The following TMEM178B variants were observed in gnomAD, a reference collection of about 807,000 sequenced individuals.
TMEM178B encodes the protein transmembrane protein 178B.
A neutral mutation model predicts 31.0 loss-of-function variants in TMEM178B; 5 were observed. That is an observed-to-expected ratio of 0.16 (90% confidence interval 0.08 to 0.34). TMEM178B has a LOEUF of 0.34. Ranked by LOEUF, TMEM178B falls within the 10% of genes least tolerant of loss-of-function variation. TMEM178B has a pLI of 1.00. For missense variants in TMEM178B, 275 were observed against 400.3 expected (o/e 0.69, Z 2.67); for synonymous variants, 164 against 164.0 (o/e 1.00, Z 0.00).
intron 2 of TMEM178B, among the ~76,000 whole-genome samples, chr7:141,354,932 A>C (rs1799793310): frequency 6.6e-6 from 1 of 152,190 alleles, no homozygotes; most frequent in Non-Finnish European, 1.5e-5. Context: ...TGTTTCAGAG[A>C]TTCTAGCTGC....
At chr7:141,177,127 C>T (rs1211029302) in intron 1 of TMEM178B, among the ~76,000 whole-genome samples, 1 of 152,152 alleles carries the variant, frequency 6.6e-6, no homozygotes, top group Non-Finnish European at 1.5e-5. Flanking sequence ...TTAAATGTGT[C>T]CCAGAGATGC....
chr7:141,261,815 T>C (rs560053409), intron 2 of TMEM178B, among the ~76,000 whole-genome samples: 1 of 152,284 alleles, frequency 6.6e-6, no homozygotes, highest in South Asian at 2.1e-4. Context: ...CCTGCATGCA[T>C]CTGTCTTATC....
At chr7:141,448,751 A>G (rs1015662295) in intron 3 of TMEM178B, among the ~76,000 whole-genome samples, 2 of 152,182 alleles carry the variant, frequency 1.3e-5, no homozygotes, top group Non-Finnish European at 2.9e-5. Flanking sequence ...GGACATGTCC[A>G]AATGACTGAA....
At chr7:141,113,373 G>T (rs144944728) in intron 1 of TMEM178B, among the ~76,000 whole-genome samples, 8 of 152,286 alleles carry the variant, frequency 5.3e-5, no homozygotes, top group African/African-American at 1.9e-4. Flanking sequence ...ACATCACACA[G>T]CTTGCACACC....
intron 1 of TMEM178B, among the ~76,000 whole-genome samples, chr7:141,154,794 A>G (rs1215142049): frequency 6.6e-6 from 1 of 151,398 alleles, no homozygotes; most frequent in Non-Finnish European, 1.5e-5. Context: ...CAATGGTGCA[A>G]TCTTGGCCCA....
intron 3 of TMEM178B, among the ~76,000 whole-genome samples, chr7:141,439,592 A>T (rs994422063): frequency 1.3e-5 from 2 of 152,228 alleles, no homozygotes; most frequent in African/African-American, 4.8e-5. Context: ...ATATAAAAAG[A>T]TAAAAGTGGA....
At chr7:141,381,112 A>C (rs1381165977) in intron 2 of TMEM178B, among the ~76,000 whole-genome samples, 29 of 152,214 alleles carry the variant, frequency 1.9e-4, no homozygotes, top group Non-Finnish European at 4.4e-5. Context: ...GACAAATGGA[A>C]GAGTTCCCAG....
At chr7:141,459,624 T>A (rs369871017) in intron 3 of TMEM178B, among the ~76,000 whole-genome samples, 26 of 152,298 alleles carry the variant, frequency 1.7e-4, no homozygotes, top group African/African-American at 5.8e-4. Context: ...GATTAGAACA[T>A]AATGGGTAAT....
At chr7:141,254,333 G>A (rs889653404) in intron 2 of TMEM178B, among the ~76,000 whole-genome samples, 1 of 152,176 alleles carries the variant, frequency 6.6e-6, no homozygotes, top group African/African-American at 2.4e-5. Flanking sequence ...GACCCCAGCT[G>A]CTTACAGGTG....
intron 1 of TMEM178B, among the ~76,000 whole-genome samples, chr7:141,153,621 CAGTG>C (rs1395315566): frequency 3.3e-5 from 5 of 152,206 alleles, no homozygotes; most frequent in African/African-American, 4.8e-5. Flanking sequence ...ACTCTGCTGA[CAGTG>C]AGTATTTCAT....
chr7:141,433,709 T>C (rs1026050901), intron 2 of TMEM178B, among the ~76,000 whole-genome samples: 2 of 152,252 alleles, frequency 1.3e-5, no homozygotes, highest in African/African-American at 4.8e-5. Flanking sequence ...ATGTAATTTC[T>C]TTGGATATTG....
chr7:141,278,467 C>T (rs868365321), intron 2 of TMEM178B, among the ~76,000 whole-genome samples: 2 of 152,212 alleles, frequency 1.3e-5, no homozygotes, highest in South Asian at 4.1e-4. Flanking sequence ...CCTGTAATCC[C>T]AGCTACTTGG....
chr7:141,453,365 C>G (rs1801903116), intron 3 of TMEM178B, among the ~76,000 whole-genome samples: 1 of 152,250 alleles, frequency 6.6e-6, no homozygotes, highest in Non-Finnish European at 1.5e-5. Context: ...ACAGCCAGTG[C>G]CTTTTTCCTC....
intron 2 of TMEM178B, among the ~76,000 whole-genome samples, chr7:141,234,249 G>C (rs1470604019): frequency 1.3e-5 from 2 of 152,154 alleles, no homozygotes; most frequent in Non-Finnish European, 2.9e-5. Context: ...GGCACATTGG[G>C]GCAAATCAAA....
chr7:141,082,487 T>C (rs956396683), intron 1 of TMEM178B, among the ~76,000 whole-genome samples: 3 of 152,262 alleles, frequency 2.0e-5, no homozygotes, highest in African/African-American at 7.2e-5. Flanking sequence ...CTTGTATACA[T>C]GATGTGCACC....
At chr7:141,338,058 C>T (rs56213105) in intron 2 of TMEM178B, among the ~76,000 whole-genome samples, 95 of 152,242 alleles carry the variant, frequency 6.2e-4, no homozygotes, top group African/African-American at 2.2e-3. Flanking sequence ...AGGATGGTCT[C>T]GATCTCCTGA....
At chr7:141,184,618 G>T in intron 1 of TMEM178B, among the ~76,000 whole-genome samples, 1 of 152,074 alleles carries the variant, frequency 6.6e-6, no homozygotes, top group East Asian at 1.9e-4. Flanking sequence ...TGTCTTGTGG[G>T]GACTTTTGGC....
At chr7:141,268,995 G>C (rs1445809719) in intron 2 of TMEM178B, among the ~76,000 whole-genome samples, 1 of 152,042 alleles carries the variant, frequency 6.6e-6, no homozygotes, top group Non-Finnish European at 1.5e-5. Flanking sequence ...CCTTCAAGGG[G>C]GTTTTGCAAG....
rs538841378 is a variant in TMEM178B at position 141,171,290 on chromosome 7, A to C, written c.383-41301A>C. On this transcript the variant is annotated intron_variant, in intron 1 of 3. Coordinates refer to ENST00000565468, the MANE Select transcript of TMEM178B (RefSeq NM_001195278.2). This position sits in a 1 kb window ranked among gnomAD's most constrained non-coding sequence, Gnocchi z 4.3. The stretch of plus-strand genomic sequence containing the variant: ...CAACATTGTGAGACCCTGTCTCTGG[A>C]AAAAAACCAAAATTTTAGACTTTTT... Among the ~76,000 whole-genome samples, 1 of 152,244 alleles carries C rather than the reference A, an allele frequency of 6.6e-6. No individual in the cohort carries two copies. Among genetic ancestry groups the C allele is most frequent in the African/African-American group, 2.4e-5 (1 of 41,544 alleles).
Sources: allele counts gnomAD v4.1 joint callset (sites outside exome capture counted in the v4.1 genomes callset), GRCh38; gene constraint gnomAD v4.1.1; non-coding constraint Gnocchi (gnomAD v3.1); transcripts MANE v1.5; gene names NCBI Gene and HGNC (gene_info 2026-07-23, HGNC 2026-07-21).